PSTPIP2: variants seen among roughly 807,000 people sequenced by gnomAD.
PSTPIP2 encodes the protein proline-serine-threonine phosphatase-interacting protein 2.
A neutral mutation model predicts 63.3 loss-of-function variants in PSTPIP2; 33 were observed. The observed-to-expected ratio is 0.52, with a 90% CI of 0.40 to 0.70. The LOEUF (loss-of-function observed/expected upper bound fraction) is 0.70, where lower values mean the gene tolerates loss of function less well. Among genes scored for constraint, PSTPIP2 ranks in the 30% least tolerant of loss-of-function variants. The pLI is 0.00. For missense variants in PSTPIP2, 312 were observed against 400.7 expected (o/e 0.78, Z 1.89); for synonymous variants, 125 against 132.7 (o/e 0.94, Z 0.40).
At chr18:46,066,696 GC>G (rs1393908578) in intron 1 of PSTPIP2, among the ~76,000 whole-genome samples, 6 of 152,170 alleles carry the variant, frequency 3.9e-5, no homozygotes. Context: ...TTCTCCTCAT[GC>G]AAGACCACCA....
intron 1 of PSTPIP2, among the ~76,000 whole-genome samples, chr18:46,042,671 C>T (rs1402828784): frequency 6.6e-6 from 1 of 152,088 alleles, no homozygotes; most frequent in Non-Finnish European, 1.5e-5. Context: ...AAACAGATTC[C>T]TGAGTGATGA....
chr18:46,032,444 G>A (rs1907817998), intron 2 of PSTPIP2, among the ~76,000 whole-genome samples: 1 of 152,060 alleles, frequency 6.6e-6, no homozygotes, highest in Non-Finnish European at 1.5e-5. Context: ...TAATCCATGT[G>A]CCATTTTCCC....
intron 2 of PSTPIP2, among the ~76,000 whole-genome samples, chr18:46,035,408 A>T (rs1314241171): frequency 1.8e-5 from 2 of 112,466 alleles, no homozygotes; most frequent in Non-Finnish European, 3.8e-5. Flanking sequence ...TGACAGAGTG[A>T]GACTCTGTCT....
At chr18:46,036,110 T>G (rs920964952) in intron 2 of PSTPIP2, among the ~76,000 whole-genome samples, 7 of 148,698 alleles carry the variant, frequency 4.7e-5, no homozygotes, top group African/African-American at 1.7e-4. Context: ...ATTAATTAAT[T>G]TAATTAATAT....
chr18:46,046,061 A>C (rs929188586), intron 1 of PSTPIP2, among the ~76,000 whole-genome samples: 6 of 152,254 alleles, frequency 3.9e-5, no homozygotes, highest in African/African-American at 1.2e-4. Flanking sequence ...AGACTCACTT[A>C]TATATGGTCA....
At chr18:46,043,286 G>A (rs1455406042) in intron 1 of PSTPIP2, among the ~76,000 whole-genome samples, 1 of 150,248 alleles carries the variant, frequency 6.7e-6, no homozygotes, top group African/African-American at 2.5e-5. Flanking sequence ...AGCTACTTGG[G>A]AGGCTAAGGC....
intron 1 of PSTPIP2, among the ~76,000 whole-genome samples, chr18:46,060,829 C>T (rs1347923805): frequency 1.3e-5 from 2 of 152,176 alleles, no homozygotes; most frequent in Non-Finnish European, 2.9e-5. Flanking sequence ...GGCTTTTCTG[C>T]TTAGTTTCTG....
Position 46,072,138 on chromosome 18 carries a change from G to A in PSTPIP2, c.33+18C>T. On this transcript the variant is annotated intron_variant, in intron 1 of 14. Transcript: ENST00000409746. ...CGGGTCCTGAGCCCCGCGATCCGCTGTCGGCCCCACGACTTACCCAAAAGT... is the reference window on the plus strand; with the variant it reads ...CGGGTCCTGAGCCCCGCGATCCGCTATCGGCCCCACGACTTACCCAAAAGT... The A allele has an allele frequency of 6.5e-7, 1 of 1,530,766 alleles. No homozygotes were observed. Among genetic ancestry groups the A allele is most frequent in the Non-Finnish European group, 8.8e-7 (1 of 1,139,418 alleles). The allele number at this position is 1,530,766 out of a possible 1,614,324, so 94.8% of individuals were successfully genotyped here. A position where few individuals can be genotyped will look rare whatever the true frequency, so the allele number is the denominator to read the frequency against.
intron 1 of PSTPIP2, among the ~76,000 whole-genome samples, chr18:46,059,116 A>G (rs1568232514): frequency 2.0e-5 from 3 of 150,900 alleles, no homozygotes; most frequent in African/African-American, 7.3e-5. Context: ...GGCTCGCTGC[A>G]ACCTCCGCCT....
At chr18:46,034,365 G>A (rs1907892087) in intron 2 of PSTPIP2, among the ~76,000 whole-genome samples, 1 of 152,104 alleles carries the variant, frequency 6.6e-6, no homozygotes, top group South Asian at 2.1e-4. Flanking sequence ...GTTCTTCTTC[G>A]GAGAATACAC....
intron 2 of PSTPIP2, among the ~76,000 whole-genome samples, chr18:46,027,360 T>A (rs1191872845): frequency 2.7e-5 from 4 of 150,062 alleles, no homozygotes; most frequent in East Asian, 2.0e-4. Context: ...TAAAAAAATT[T>A]TTTTTAAAGA....
chr18:46,030,875 G>A (rs1907767473), intron 2 of PSTPIP2, among the ~76,000 whole-genome samples: 2 of 152,088 alleles, frequency 1.3e-5, no homozygotes, highest in Admixed American at 1.3e-4. Flanking sequence ...CAGAAGCCTG[G>A]GGCCATCCCA....
intron 13 of PSTPIP2, chr18:45,989,619 T>C (rs746447695): frequency 6.6e-6 from 1 of 152,492 alleles, no homozygotes; most frequent in Non-Finnish European, 1.5e-5. Context: ...ACACCTACTA[T>C]GTACTCAGAA....
At chr18:46,022,281 ATG>A (rs150331548) in intron 3 of PSTPIP2, among the ~76,000 whole-genome samples, 2 of 150,468 alleles carry the variant, frequency 1.3e-5, no homozygotes, top group Non-Finnish European at 3.0e-5. Context: ...GTGTGTGTGT[ATG>A]TGTGTGTGTG....
Position 46,024,557 on chromosome 18 carries a change from C to T in PSTPIP2, c.212+52G>A, listed in dbSNP as rs62095423. 3.9e-3 allele frequency: 5,611 copies of T among 1,457,022 alleles called. 43 individuals are homozygous for T. Among genetic ancestry groups the T allele is most frequent in the South Asian group, 0.018 (1,553 of 87,516 alleles). 90.3% of individuals were successfully genotyped at this position (1,457,022 alleles called of 1,614,324 possible). A position where few individuals can be genotyped will look rare whatever the true frequency, so the allele number is the denominator to read the frequency against. On this transcript the variant is annotated intron_variant, in intron 3 of 14. Transcript: ENST00000409746. ...AACTCTGTCTGCTGAAGCGAGGGAG[C>T]TCCCAGGCATTATTAACCAACCTGG... is the stretch of plus-strand genomic sequence containing the variant.
intron 1 of PSTPIP2, among the ~76,000 whole-genome samples, chr18:46,066,518 T>C (rs1909194508): frequency 6.6e-6 from 1 of 152,154 alleles, no homozygotes; most frequent in Non-Finnish European, 1.5e-5. Context: ...CTGCCTGAGA[T>C]TACGTGGGGA....
intron 5 of PSTPIP2, among the ~76,000 whole-genome samples, chr18:46,007,574 G>A (rs2051741851): frequency 6.6e-6 from 1 of 152,240 alleles, no homozygotes; most frequent in African/African-American, 2.4e-5. Context: ...AGGCTACACA[G>A]AGCAGATCAG....
At chr18:46,014,013 G>A (rs550493100) in intron 4 of PSTPIP2, among the ~76,000 whole-genome samples, 1 of 151,708 alleles carries the variant, frequency 6.6e-6, no homozygotes, top group South Asian at 2.1e-4. Context: ...GGCTGAAGGA[G>A]AGGAGTAAAG....
In PSTPIP2 at chr18:45,988,793, C is replaced by T. The variant is rs1207162534; in HGVS notation, c.956-34G>A. On this transcript the variant is annotated intron_variant, in intron 13 of 14. Transcript: ENST00000409746. ...GGCAGAACACAGAAAACAACAGTAACATCAATTTTTCATAATAAGATCTCA... is the reference window on the plus strand; with the variant it reads ...GGCAGAACACAGAAAACAACAGTAATATCAATTTTTCATAATAAGATCTCA... 5.3e-6 allele frequency: 8 copies of T among 1,507,708 alleles called. No individual in the cohort carries two copies. In the South Asian group the frequency reaches 9.0e-5, roughly 17 times the overall value. The allele number at this position is 1,507,708 out of a possible 1,614,324, so 93.4% of individuals were successfully genotyped here.
Sources: allele counts gnomAD v4.1 joint callset (sites outside exome capture counted in the v4.1 genomes callset), GRCh38; gene constraint gnomAD v4.1.1; transcripts MANE v1.5; gene names NCBI Gene and HGNC (gene_info 2026-07-23, HGNC 2026-07-21).